The following ZNF469 variants were observed in gnomAD, a reference collection of about 807,000 sequenced individuals.
ZNF469 encodes zinc finger protein 469.
A neutral mutation model predicts 1.0 loss-of-function variants in ZNF469; 1 was observed. The ratio of observed to expected loss-of-function variants is 1.00; its 90% CI spans 0.35 to 4.73. The LOEUF (loss-of-function observed/expected upper bound fraction) is 4.73, where lower values mean the gene tolerates loss of function less well. Among genes scored for constraint, ZNF469 ranks in the 30% most tolerant of loss-of-function variants. The pLI is 0.16. For missense variants in ZNF469, 6,100 were observed against 5,356.3 expected, an observed-to-expected ratio of 1.14 and a Z score of -4.33; for synonymous variants, 2,703 against 2,363.4, an observed-to-expected ratio of 1.14 and a Z score of -4.17.
chr16:88,137,028 A>G, the ZNF469 span, among the ~76,000 whole-genome samples: 2 of 152,236 alleles, frequency 1.3e-5, 1 homozygote, highest in Middle Eastern at 6.3e-3. Flanking sequence ...ATGTGTGCAT[A>G]CAACCATGTG....
the ZNF469 span, among the ~76,000 whole-genome samples, chr16:88,228,679 C>G: frequency 6.6e-6 from 1 of 152,180 alleles, no homozygotes; most frequent in Admixed American, 6.5e-5. Flanking sequence ...CAAAAAGACA[C>G]CAAAGCCAGC....
the ZNF469 span, among the ~76,000 whole-genome samples, chr16:88,197,654 C>A: frequency 6.6e-6 from 1 of 152,222 alleles, no homozygotes; most frequent in Non-Finnish European, 1.5e-5. Context: ...CAGAGTCTGA[C>A]AGCCACCCAG....
chr16:88,233,926 G>T, the ZNF469 span, among the ~76,000 whole-genome samples: 1 of 152,242 alleles, frequency 6.6e-6, no homozygotes, highest in Non-Finnish European at 1.5e-5. Context: ...TTTGAACCTT[G>T]GTTTAGGGAT....
the ZNF469 span, among the ~76,000 whole-genome samples, chr16:88,214,543 A>G: frequency 1.3e-5 from 2 of 151,948 alleles, no homozygotes; most frequent in African/African-American, 4.8e-5. Context: ...TCTGGGGTAC[A>G]GTGCAGAACG....
chr16:88,165,317 C>A, the ZNF469 span, among the ~76,000 whole-genome samples: 1 of 152,258 alleles, frequency 6.6e-6, no homozygotes, highest in African/African-American at 2.4e-5. Flanking sequence ...GTAGCCGAGG[C>A]TTCTCTGGCG....
the ZNF469 span, among the ~76,000 whole-genome samples, chr16:88,259,059 C>T: frequency 6.6e-6 from 1 of 152,254 alleles, no homozygotes; most frequent in East Asian, 1.9e-4. This position sits in a 1 kb window ranked among gnomAD's most constrained non-coding sequence, Gnocchi z 4.1. Context: ...CTTAGCTCAA[C>T]CCTTCAAAGG....
At chr16:88,165,494 C>T in the ZNF469 span, among the ~76,000 whole-genome samples, 8 of 152,164 alleles carry the variant, frequency 5.3e-5, no homozygotes, top group African/African-American at 1.4e-4. Context: ...CTGTCTGAGG[C>T]CTTCCTCAGC....
At chr16:88,157,929 C>T in the ZNF469 span, among the ~76,000 whole-genome samples, 1 of 152,098 alleles carries the variant, frequency 6.6e-6, no homozygotes, top group Admixed American at 6.5e-5. Context: ...GCCCCTCATC[C>T]TCTCCTGTCC....
At chr16:88,233,839 G>A in the ZNF469 span, among the ~76,000 whole-genome samples, 17 of 152,358 alleles carry the variant, frequency 1.1e-4, no homozygotes, top group African/African-American at 3.8e-4. Context: ...CAGTGCAGCC[G>A]CCTTCTTGGT....
At chr16:88,256,666 C>A in the ZNF469 span, among the ~76,000 whole-genome samples, 1 of 152,124 alleles carries the variant, frequency 6.6e-6, no homozygotes, top group African/African-American at 2.4e-5. Context: ...TTTTGCATTC[C>A]CATCAGCAAT....
chr16:88,114,196 ATACT>A, the ZNF469 span, among the ~76,000 whole-genome samples: 222 of 140,504 alleles, frequency 1.6e-3, 7 homozygotes, highest in Middle Eastern at 3.8e-3. Context: ...GACAGGGACC[ATACT>A]CACTCACTGC....
chr16:88,313,056 T>C, the ZNF469 span, among the ~76,000 whole-genome samples: 758 of 152,334 alleles, frequency 5.0e-3, 4 homozygotes, highest in Non-Finnish European at 7.0e-3. Flanking sequence ...TCGTGGCTCC[T>C]GGTCAGGGTC....
At chr16:88,417,956 G>C (rs577851087) in intron 1 of ZNF469, among the ~76,000 whole-genome samples, 44 of 152,312 alleles carry the variant, frequency 2.9e-4, no homozygotes, top group South Asian at 1.0e-3. Flanking sequence ...GTGTGCATGA[G>C]TGTGTCCACG....
At chr16:88,266,561 G>A in the ZNF469 span, among the ~76,000 whole-genome samples, 1 of 152,270 alleles carries the variant, frequency 6.6e-6, no homozygotes, top group African/African-American at 2.4e-5. Flanking sequence ...TGGGGCATAC[G>A]TGCCGACCAG....
At chr16:88,257,754 G>A in the ZNF469 span, among the ~76,000 whole-genome samples, 4 of 152,158 alleles carry the variant, frequency 2.6e-5, no homozygotes, top group Admixed American at 1.3e-4. Context: ...GGTTTGGGAA[G>A]GTCAGTAACT....
At chr16:88,300,313 C>T in the ZNF469 span, among the ~76,000 whole-genome samples, 14 of 152,126 alleles carry the variant, frequency 9.2e-5, no homozygotes, top group Non-Finnish European at 1.8e-4. Flanking sequence ...GATTTACAGT[C>T]GGGAGACCCA....
the ZNF469 span, among the ~76,000 whole-genome samples, chr16:88,275,875 C>A: frequency 6.6e-6 from 1 of 152,120 alleles, no homozygotes; most frequent in Non-Finnish European, 1.5e-5. Flanking sequence ...TCTCCCCAGC[C>A]CCTGGCTCAC....
chr16:88,249,945 T>G, the ZNF469 span, among the ~76,000 whole-genome samples: 10 of 152,250 alleles, frequency 6.6e-5, no homozygotes, highest in African/African-American at 2.4e-4. Flanking sequence ...ACCTTCAGCA[T>G]AGCTGGTTCC....
At chr16:88,194,957 G>T in the ZNF469 span, 2 of 152,220 alleles carry the variant, frequency 1.3e-5, no homozygotes, top group African/African-American at 4.8e-5. Flanking sequence ...GCCCTCATGC[G>T]TGTTGCTGGG....
Sources: gnomAD v4.1 joint callset for allele counts (sites outside exome capture counted in the v4.1 genomes callset) on GRCh38, gnomAD v4.1.1 for gene constraint, Gnocchi (gnomAD v3.1) non-coding constraint, MANE v1.5 for transcripts, NCBI Gene and HGNC (gene_info 2026-07-23, HGNC 2026-07-21) for gene names.